COL19A1: variants seen among roughly 807,000 people sequenced by gnomAD.
COL19A1 encodes collagen type XIX alpha 1 chain.
COL19A1 carries 159 observed loss-of-function variants against 190.2 expected under a neutral mutation model. The ratio of observed to expected loss-of-function variants is 0.84; its 90% CI spans 0.73 to 0.95. The LOEUF (loss-of-function observed/expected upper bound fraction) is 0.95, where lower values mean the gene tolerates loss of function less well. Ranked by LOEUF, COL19A1 falls within the 40% of genes least tolerant of loss-of-function variation. The probability of loss-of-function intolerance (pLI) is 0.00; values close to 1 mark genes in which losing one functional copy is unlikely to be tolerated. For missense variants in COL19A1, 1,418 were observed against 1,431.9 expected (o/e 0.99, Z 0.16); for synonymous variants, 509 against 458.9 (o/e 1.11, Z -1.39).
intron 4 of COL19A1, among the ~76,000 whole-genome samples, chr6:69,905,000 A>G (rs1770452774): frequency 6.6e-6 from 1 of 151,066 alleles, no homozygotes; most frequent in African/African-American, 2.4e-5. Context: ...CTTTCTCCAC[A>G]CTCACAGGAG....
At chr6:69,938,236 G>C in intron 9 of COL19A1, 136 bp downstream of exon 9, 1 of 779,278 alleles carries the variant, frequency 1.3e-6, no homozygotes, top group Admixed American at 2.9e-5. Flanking sequence ...ATATTAAAAT[G>C]CTGATTACTG....
chr6:69,974,982 T>A (rs902328346), intron 11 of COL19A1, among the ~76,000 whole-genome samples: 4 of 151,870 alleles, frequency 2.6e-5, no homozygotes, highest in African/African-American at 9.7e-5. Context: ...CCGGCTAATT[T>A]TTTTGTATTT....
At chr6:70,166,120 C>G in intron 37 of COL19A1, 135 bp downstream of exon 37, 1 of 795,324 alleles carries the variant, frequency 1.3e-6, no homozygotes, top group South Asian at 1.5e-5. Context: ...AAATGATAGC[C>G]AATGTAGCTT....
At chr6:70,007,473 G>C (rs1777704137) in intron 11 of COL19A1, among the ~76,000 whole-genome samples, 1 of 151,954 alleles carries the variant, frequency 6.6e-6, no homozygotes, top group Non-Finnish European at 1.5e-5. Flanking sequence ...GACATTATTG[G>C]AGACAGGAAA....
intron 2 of COL19A1, among the ~76,000 whole-genome samples, chr6:69,896,256 G>GT (rs1769732437): frequency 6.6e-6 from 1 of 152,174 alleles, no homozygotes; most frequent in Non-Finnish European, 1.5e-5. Flanking sequence ...CTGCCAAACA[G>GT]GCCGGGCGCG....
At chr6:69,930,332 C>T (rs991405236) in intron 6 of COL19A1, among the ~76,000 whole-genome samples, 2 of 152,096 alleles carry the variant, frequency 1.3e-5, no homozygotes, top group African/African-American at 4.8e-5. Context: ...CCCTAGAGAA[C>T]AAGGTCTGTA....
chr6:70,129,921 T>C (rs1172378051), intron 17 of COL19A1, among the ~76,000 whole-genome samples: 1 of 152,078 alleles, frequency 6.6e-6, no homozygotes, highest in Non-Finnish European at 1.5e-5. Flanking sequence ...TCCCCAGAGG[T>C]GTGATGTTTC....
intron 2 of COL19A1, chr6:69,889,915 C>T (rs1181969815): frequency 2.0e-5 from 3 of 152,214 alleles, no homozygotes; most frequent in African/African-American, 4.8e-5. Flanking sequence ...TTACTCTTCA[C>T]AGTAAATCTC....
chr6:69,955,657 C>A (rs1774376511), intron 9 of COL19A1, among the ~76,000 whole-genome samples: 1 of 150,686 alleles, frequency 6.6e-6, no homozygotes, highest in African/African-American at 2.4e-5. Flanking sequence ...GTTCTGAGAG[C>A]CACATTTTAA....
intron 6 of COL19A1, among the ~76,000 whole-genome samples, chr6:69,931,980 C>G (rs1339064864): frequency 6.6e-6 from 1 of 151,812 alleles, no homozygotes; most frequent in African/African-American, 2.4e-5. Context: ...ACTTATTGAC[C>G]TCAAAATAAT....
In COL19A1 at chr6:70,150,038, G is replaced by A. The variant is rs1242733751; in HGVS notation, c.2030G>A (p.Gly677Asp). 1.2e-6 allele frequency: 2 copies of A among 1,613,696 alleles called. No homozygotes were observed. Among genetic ancestry groups the A allele is most frequent in the Non-Finnish European group, 1.7e-6 (2 of 1,179,798 alleles). Residue 677 changes from glycine to aspartate, a missense_variant, in exon 30 of 51, where the codon GGT becomes GAT. Gly to Asp is a moderately conservative substitution (Grantham distance 94, BLOSUM62 -1). Transcript: ENST00000620364. ...DGKPGLPGPP[G>D]DPIALPLLGD... is the part of the protein sequence containing the mutation. ...AAGCCAGGCCTGCCAGGCCCCCCAG[G>A]TGACCCGGTATGTAGACAAACCTTG...
intron 2 of COL19A1, among the ~76,000 whole-genome samples, chr6:69,889,218 T>C (rs149663043): frequency 4.0e-4 from 61 of 152,342 alleles, no homozygotes; most frequent in African/African-American, 1.3e-3. Context: ...GACTGCTAAA[T>C]AGAACTTGTA....
At chr6:70,164,159 T>TGAAGAAC (rs1787986986) in intron 36 of COL19A1, among the ~76,000 whole-genome samples, 1 of 152,160 alleles carries the variant, frequency 6.6e-6, no homozygotes, top group Non-Finnish European at 1.5e-5. Context: ...CCAGGATAGC[T>TGAAGAAC]TGTTTCCTGG....
intron 9 of COL19A1, among the ~76,000 whole-genome samples, chr6:69,958,696 A>T (rs1774583149): frequency 1.3e-5 from 2 of 152,304 alleles, no homozygotes. Flanking sequence ...TGATAATTTA[A>T]TCTAATCTAA....
chr6:69,986,505 GC>G (rs1219109789), intron 11 of COL19A1, among the ~76,000 whole-genome samples: 1 of 152,012 alleles, frequency 6.6e-6, no homozygotes, highest in African/African-American at 2.4e-5. Context: ...AGAAGTCTAG[GC>G]ATGTGCCTTG....
At chr6:70,145,597 A>G (rs893259521) in intron 25 of COL19A1, among the ~76,000 whole-genome samples, 1 of 152,140 alleles carries the variant, frequency 6.6e-6, no homozygotes, top group Non-Finnish European at 1.5e-5. Context: ...GGGTAGTGGG[A>G]TCATTCACAC....
At chr6:69,969,883 C>T (rs1369935694) in intron 11 of COL19A1, among the ~76,000 whole-genome samples, 22 of 152,122 alleles carry the variant, frequency 1.4e-4, no homozygotes, top group Non-Finnish European at 1.5e-4. Context: ...TCTCATCTTC[C>T]AACAGTTATC....
chr6:69,925,054 T>C (rs1772265952), intron 4 of COL19A1, among the ~76,000 whole-genome samples: 1 of 152,212 alleles, frequency 6.6e-6, no homozygotes, highest in Non-Finnish European at 1.5e-5. Context: ...ACTCTGATGG[T>C]AGTTTCTTTT....
In COL19A1 at chr6:69,942,012, T is replaced by C. The variant is rs926037669; in HGVS notation, c.936+3912T>C. ...GCACAATGTGCTAGTTTTTCAAATA[T>C]GTTCCTTGCATTGTTTTACTTAGAT... On this transcript the variant is annotated intron_variant, in intron 9 of 50. Coordinates refer to ENST00000620364, the MANE Select transcript of COL19A1 (RefSeq NM_001858.6). Among the ~76,000 whole-genome samples the C allele has an allele frequency of 5.4e-4, 82 of 152,202 alleles. 1 individual carries two copies. The highest frequency in any genetic ancestry group is 1.5e-4 in the Non-Finnish European group (10 of 68,024).
Sources: gnomAD v4.1 joint callset for allele counts (sites outside exome capture counted in the v4.1 genomes callset) on GRCh38, gnomAD v4.1.1 for gene constraint, MANE v1.5 for transcripts, NCBI Gene and HGNC (gene_info 2026-07-23, HGNC 2026-07-21) for gene names.